TRPC5: variants seen among roughly 807,000 people sequenced by gnomAD.
The protein encoded by TRPC5 is short transient receptor potential channel 5.
Under a neutral mutation model 56.5 loss-of-function variants are expected in TRPC5, and 9 were observed. The observed-to-expected ratio is 0.16, with a 90% CI of 0.10 to 0.28. TRPC5 has a LOEUF of 0.28. Ranked by LOEUF, TRPC5 falls within the 10% of genes least tolerant of loss-of-function variation. TRPC5 has a pLI of 1.00. For missense variants in TRPC5, 469 were observed against 748.9 expected, an observed-to-expected ratio of 0.63 and a Z score of 4.36; for synonymous variants, 282 against 278.5, an observed-to-expected ratio of 1.01 and a Z score of -0.13.
At position 111,877,621 on chromosome X, in the gene TRPC5, G is replaced by A. The variant is rs147213424; in HGVS notation, c.901-23515C>T. 6.0e-3 allele frequency among the ~76,000 whole-genome samples: 667 copies of A among 111,422 alleles called. 5 individuals carry two copies. Among genetic ancestry groups the A allele is most frequent in the African/African-American group, 0.021 (644 of 30,671 alleles). On this transcript the variant is annotated intron_variant, in intron 3 of 10. Transcript: ENST00000262839. ...CAGCTTGGGGAGTTGCCTATATAGA[G>A]ATGATGGGTAAAACCATAGGAGTTG...
intron 3 of TRPC5, among the ~76,000 whole-genome samples, chrX:111,865,249 G>A (rs1440874857): frequency 1.8e-5 from 2 of 109,618 alleles, no homozygotes; most frequent in African/African-American, 3.3e-5. Context: ...TTGAACTCCT[G>A]GGCTCAAGCA....
rs1486708360 is a variant in TRPC5 at position 111,988,631 on chromosome X, C to A, written c.-21-36190G>T. Among the ~76,000 whole-genome samples the A allele has an allele frequency of 4.5e-5, 5 of 110,487 alleles. No individual in the cohort carries two copies. In the Admixed American group the frequency reaches 4.9e-4, roughly 11 times the overall value. On this transcript the variant is annotated intron_variant, in intron 1 of 10. Transcript: ENST00000262839. ...AGCATCTTATTCATTTTTATATTCCCCTAAAGGGTCAGGCTCATTGCCTGA... is the reference window on the plus strand; with the variant it reads ...AGCATCTTATTCATTTTTATATTCCACTAAAGGGTCAGGCTCATTGCCTGA...
intron 1 of TRPC5, among the ~76,000 whole-genome samples, chrX:111,974,504 G>A (rs1927867620): frequency 8.9e-6 from 1 of 112,112 alleles, no homozygotes; most frequent in South Asian, 3.7e-4. Flanking sequence ...AACAATCTAA[G>A]AAGCATTTAT....
chrX:111,888,693 CAAAAAAAAA>C (rs753735549), intron 3 of TRPC5, among the ~76,000 whole-genome samples: 13 of 10,984 alleles, frequency 1.2e-3, no homozygotes, highest in Admixed American at 3.0e-3. Context: ...GACTCTATCT[CAAAAAAAAA>C]AAAAAAAAAA....
Position 111,841,315 on chromosome X carries a change from G to A in TRPC5, c.1700+5799C>T, listed in dbSNP as rs113464704. Among the ~76,000 whole-genome samples, 294 of 111,845 alleles carry A rather than the reference G, an allele frequency of 2.6e-3. 2 individuals carry two copies. Among genetic ancestry groups the A allele is most frequent in the African/African-American group, 9.2e-3 (282 of 30,769 alleles). ...TGCAGCTGTATACAACAAATCTTACGTACCTTTACAAAACCAGTCTTACAC... is the reference window on the plus strand; with the variant it reads ...TGCAGCTGTATACAACAAATCTTACATACCTTTACAAAACCAGTCTTACAC... On this transcript the variant is annotated intron_variant, in intron 6 of 10. Transcript: ENST00000262839.
intron 2 of TRPC5, among the ~76,000 whole-genome samples, chrX:111,921,522 T>C (rs951576053): frequency 2.7e-5 from 3 of 111,152 alleles, no homozygotes; most frequent in Non-Finnish European, 5.7e-5. Flanking sequence ...TTCAATTTGA[T>C]TATTTATTAT....
chrX:111,842,132 G>GTATATATATATATTTTATATATATA (rs1406226710), intron 6 of TRPC5, among the ~76,000 whole-genome samples: 1 of 77,201 alleles, frequency 1.3e-5, no homozygotes, highest in African/African-American at 1.2e-4. Context: ...ATATATATAT[G>GTATATATATATATTTTATATATATA]TATATATATA....
At chrX:111,857,736 T>C (rs1236886072) in intron 3 of TRPC5, among the ~76,000 whole-genome samples, 2 of 112,277 alleles carry the variant, frequency 1.8e-5, no homozygotes, top group Non-Finnish European at 3.8e-5. Flanking sequence ...CAATAAAACT[T>C]TATTCACACA....
chrX:112,033,393 T>C (rs1351485191), intron 1 of TRPC5, among the ~76,000 whole-genome samples: 1 of 109,438 alleles, frequency 9.1e-6, no homozygotes, highest in Non-Finnish European at 1.9e-5. Flanking sequence ...TTTTATCTTT[T>C]TGTTATTGAG....
intron 5 of TRPC5, among the ~76,000 whole-genome samples, chrX:111,851,586 A>G (rs1407855314): frequency 1.8e-5 from 2 of 109,694 alleles, no homozygotes; most frequent in Non-Finnish European, 3.8e-5. Context: ...GTTGGGTGAT[A>G]CTAAAAATGC....
intron 7 of TRPC5, among the ~76,000 whole-genome samples, chrX:111,827,500 C>A (rs1164237219): frequency 9.0e-6 from 1 of 111,311 alleles, no homozygotes; most frequent in Non-Finnish European, 1.9e-5. Context: ...TCCTTTCCTA[C>A]TCTTCCCCAT....
At chrX:112,007,636 C>T (rs1928878405) in intron 1 of TRPC5, among the ~76,000 whole-genome samples, 1 of 111,492 alleles carries the variant, frequency 9.0e-6, no homozygotes, top group African/African-American at 3.3e-5. Context: ...TCATTCATTA[C>T]CTTGACTTCT....
chrX:111,850,448 G>A (rs781532145), intron 5 of TRPC5, among the ~76,000 whole-genome samples: 3 of 111,931 alleles, frequency 2.7e-5, no homozygotes, highest in Non-Finnish European at 5.6e-5. Context: ...ATTTCAAGGA[G>A]CCTATGTCGC....
At chrX:111,831,537 T>C (rs1488447895) in intron 7 of TRPC5, among the ~76,000 whole-genome samples, 1 of 111,937 alleles carries the variant, frequency 8.9e-6, no homozygotes, top group African/African-American at 3.2e-5. Flanking sequence ...ATGAATGTGT[T>C]CTGCAGTGGA....
intron 1 of TRPC5, among the ~76,000 whole-genome samples, chrX:111,988,013 C>T (rs914603846): frequency 2.7e-5 from 3 of 112,683 alleles, no homozygotes; most frequent in African/African-American, 9.7e-5. Flanking sequence ...CAAGTTGACA[C>T]ATAAAATTAA....
intron 3 of TRPC5, among the ~76,000 whole-genome samples, chrX:111,890,932 C>T (rs1924775862): frequency 1.8e-5 from 2 of 111,226 alleles, no homozygotes; most frequent in Admixed American, 1.9e-4. Context: ...CATGTGTTTT[C>T]ACCATTTAGC....
chrX:111,875,462 A>G (rs767875945), intron 3 of TRPC5, among the ~76,000 whole-genome samples: 3 of 110,420 alleles, frequency 2.7e-5, no homozygotes, highest in Non-Finnish European at 3.8e-5. Context: ...TCACTCTAGT[A>G]TAAGCCATTA....
At chrX:112,079,161 T>A (rs1178750499) in intron 1 of TRPC5, among the ~76,000 whole-genome samples, 1 of 112,014 alleles carries the variant, frequency 8.9e-6, no homozygotes, top group Non-Finnish European at 1.9e-5. Flanking sequence ...GCAGGAGGCA[T>A]CTGAACAGCT....
At chrX:112,005,692 C>A (rs983476376) in intron 1 of TRPC5, among the ~76,000 whole-genome samples, 2 of 110,731 alleles carry the variant, frequency 1.8e-5, no homozygotes, top group South Asian at 7.7e-4. Context: ...TTTTCCTCAC[C>A]ACAGCTGGGG....
Sources: allele counts gnomAD v4.1 joint callset (sites outside exome capture counted in the v4.1 genomes callset), GRCh38; gene constraint gnomAD v4.1.1; transcripts MANE v1.5; gene names NCBI Gene and HGNC (gene_info 2026-07-23, HGNC 2026-07-21).